C8orf34: variants seen among roughly 807,000 people sequenced by gnomAD.
The protein encoded by C8orf34 is chromosome 8 open reading frame 34, also known as uncharacterized protein C8orf34.
Under a neutral mutation model 68.3 loss-of-function variants are expected in C8orf34, and 65 were observed. The observed-to-expected ratio is 0.95, with a 90% CI of 0.78 to 1.17. C8orf34 has a LOEUF of 1.17. Among genes scored for constraint, C8orf34 ranks in the 50% most tolerant of loss-of-function variants. The pLI, the probability that C8orf34 is intolerant of heterozygous loss-of-function variation, is 0.00. For synonymous variants in C8orf34, 244 were observed against 241.2 expected, an observed-to-expected ratio of 1.01 and a Z score of -0.11; for missense variants, 664 against 655.4, an observed-to-expected ratio of 1.01 and a Z score of -0.14.
chr8:68,514,895 G>A (rs1404134349), intron 5 of C8orf34, among the ~76,000 whole-genome samples: 1 of 152,082 alleles, frequency 6.6e-6, no homozygotes, highest in Non-Finnish European at 1.5e-5. Context: ...TCATCAAGGA[G>A]GGGAGTGCAA....
At chr8:68,683,013 A>G (rs555681245) in intron 8 of C8orf34, among the ~76,000 whole-genome samples, 1 of 152,226 alleles carries the variant, frequency 6.6e-6, no homozygotes, top group East Asian at 1.9e-4. Context: ...ATTGACTGCC[A>G]AGTGTGGCTG....
intron 1 of C8orf34, among the ~76,000 whole-genome samples, chr8:68,428,799 A>G (rs1249629368): frequency 6.6e-6 from 1 of 152,142 alleles, no homozygotes; most frequent in Non-Finnish European, 1.5e-5. Context: ...AGGCCTGTGA[A>G]TATATGGCCA....
At position 68,672,925 on chromosome 8, in the gene C8orf34, C is replaced by A. The variant is rs372171028; in HGVS notation, c.1241+32414C>A. Among the ~76,000 whole-genome samples, 20 of 152,270 alleles carry A rather than the reference C, an allele frequency of 1.3e-4. No individual in the cohort carries two copies. The East Asian group carries it at 1.7e-3, about 13-fold the overall frequency. On this transcript the variant is annotated intron_variant, in intron 8 of 13. Transcript: ENST00000518698. ...AATAATTTGTCTTGTATCTTGGATA[C>A]CAGCTCAGTCACAGTAGGATAGGGC...
intron 1 of C8orf34, among the ~76,000 whole-genome samples, chr8:68,426,518 C>CAAAAAAAAAAAAAAAAAAAAAA (rs753578060): frequency 3.7e-4 from 11 of 29,610 alleles, no homozygotes; most frequent in African/African-American, 6.2e-4. Flanking sequence ...GACCTTGTCT[C>CAAAAAAAAAAAAAAAAAAAAAA]AAAAAAAAAA....
At chr8:68,584,051 T>C (rs1318686357) in intron 7 of C8orf34, among the ~76,000 whole-genome samples, 2 of 152,182 alleles carry the variant, frequency 1.3e-5, no homozygotes, top group African/African-American at 4.8e-5. Context: ...TGAAAATTGT[T>C]AATGTAGAGT....
At chr8:68,337,796 A>G (rs79762999) in intron 1 of C8orf34, among the ~76,000 whole-genome samples, 2,492 of 152,320 alleles carry the variant, frequency 0.016, 80 homozygotes, top group African/African-American at 0.056. Flanking sequence ...ATAGCTACAA[A>G]TCTGAGTAAA....
At chr8:68,356,396 C>T (rs1458349105) in intron 1 of C8orf34, among the ~76,000 whole-genome samples, 1 of 151,966 alleles carries the variant, frequency 6.6e-6, no homozygotes, top group African/African-American at 2.4e-5. Context: ...CACAAAAACT[C>T]ATATGTATGT....
intron 7 of C8orf34, among the ~76,000 whole-genome samples, chr8:68,619,956 T>C (rs1428137357): frequency 6.6e-6 from 1 of 152,206 alleles, no homozygotes; most frequent in South Asian, 2.1e-4. Flanking sequence ...CCTGGGTGTG[T>C]AGGGTATAGA....
chr8:68,339,252 A>G (rs1467891599), intron 1 of C8orf34, among the ~76,000 whole-genome samples: 1 of 151,806 alleles, frequency 6.6e-6, no homozygotes, highest in Non-Finnish European at 1.5e-5. Context: ...GAGGGTATCT[A>G]CAAAAAAGAG....
chr8:68,467,665 T>C (rs1466657038), intron 3 of C8orf34, among the ~76,000 whole-genome samples: 2 of 151,994 alleles, frequency 1.3e-5, no homozygotes, highest in Non-Finnish European at 2.9e-5. Context: ...TTCATTTTGG[T>C]AGAGCAACTC....
At chr8:68,816,131 T>A (rs1824808754) in intron 13 of C8orf34, among the ~76,000 whole-genome samples, 186 bp downstream of exon 13, 1 of 135,156 alleles carries the variant, frequency 7.4e-6, no homozygotes, top group South Asian at 2.4e-4. Context: ...TGTGTGTGTG[T>A]GTTTCTCTGT....
At chr8:68,605,136 T>G (rs1817817327) in intron 7 of C8orf34, among the ~76,000 whole-genome samples, 1 of 152,000 alleles carries the variant, frequency 6.6e-6, no homozygotes, top group Non-Finnish European at 1.5e-5. Flanking sequence ...TTCAGAAAAT[T>G]GCAAATTAAA....
chr8:68,530,189 C>T (rs1815184095), intron 6 of C8orf34, among the ~76,000 whole-genome samples: 1 of 151,970 alleles, frequency 6.6e-6, no homozygotes, highest in African/African-American at 2.4e-5. Flanking sequence ...CACTATTCTA[C>T]ATTTATTAAC....
chr8:68,473,614 T>C (rs748863171), intron 4 of C8orf34, among the ~76,000 whole-genome samples: 1 of 152,132 alleles, frequency 6.6e-6, no homozygotes, highest in African/African-American at 2.4e-5. Flanking sequence ...AGAAAATGAT[T>C]TGGGGGCTGC....
At chr8:68,491,986 A>G (rs933127537) in intron 5 of C8orf34, among the ~76,000 whole-genome samples, 2 of 152,104 alleles carry the variant, frequency 1.3e-5, no homozygotes, top group African/African-American at 4.8e-5. Flanking sequence ...TTCAGCTGCT[A>G]TGAGTGTTGG....
intron 10 of C8orf34, among the ~76,000 whole-genome samples, chr8:68,775,215 C>CAATGAGATAATA (rs1268260696): frequency 6.6e-6 from 1 of 151,856 alleles, no homozygotes; most frequent in Non-Finnish European, 1.5e-5. Context: ...GTCTTGCCCT[C>CAATGAGATAATA]AATGAGATAA....
At chr8:68,476,654 C>T (rs1271607646) in intron 4 of C8orf34, among the ~76,000 whole-genome samples, 6 of 152,100 alleles carry the variant, frequency 3.9e-5, no homozygotes, top group Non-Finnish European at 8.8e-5. Context: ...AGATGTCATA[C>T]ATATTCAGTA....
chr8:68,786,023 G>T (rs537126004), intron 11 of C8orf34, among the ~76,000 whole-genome samples: 37 of 152,210 alleles, frequency 2.4e-4, no homozygotes, highest in African/African-American at 7.7e-4. Flanking sequence ...AGTATCAAGG[G>T]TTGTGGAACT....
At chr8:68,452,553 A>G (rs996152774) in intron 3 of C8orf34, among the ~76,000 whole-genome samples, 1 of 150,588 alleles carries the variant, frequency 6.6e-6, no homozygotes, top group African/African-American at 2.4e-5. Context: ...TTTCTTGGCC[A>G]TTTGAATATC....
Sources: allele counts gnomAD v4.1 joint callset (sites outside exome capture counted in the v4.1 genomes callset), GRCh38; gene constraint gnomAD v4.1.1; transcripts MANE v1.5; gene names NCBI Gene and HGNC (gene_info 2026-07-23, HGNC 2026-07-21).